STK39: variants seen among roughly 807,000 people sequenced by gnomAD.
STK39 encodes serine/threonine kinase 39, also known as STE20/SPS1-related proline-alanine-rich protein kinase.
In STK39, 20 loss-of-function variants were observed where a neutral mutation model predicts 77.8. That is an observed-to-expected ratio of 0.26 (90% CI 0.18 to 0.37). The LOEUF is 0.37. STK39 is among the 10% of genes least tolerant of loss of function. STK39 has a pLI of 1.00. For synonymous variants in STK39, 246 were observed against 234.1 expected, an observed-to-expected ratio of 1.05 and a Z score of -0.47; for missense variants, 479 against 656.5, an observed-to-expected ratio of 0.73 and a Z score of 2.95.
At chr2:168,048,216 CTTT>C (rs1335296463) in intron 14 of STK39, among the ~76,000 whole-genome samples, 2 of 139,322 alleles carry the variant, frequency 1.4e-5, no homozygotes, top group Non-Finnish European at 3.1e-5. Context: ...TTGGCCTATG[CTTT>C]TTTTTTTTTT....
intron 17 of STK39, among the ~76,000 whole-genome samples, chr2:167,957,736 A>C (rs546458347): frequency 1.3e-5 from 2 of 152,368 alleles, no homozygotes; most frequent in East Asian, 3.9e-4. Flanking sequence ...AGGAGGTTAA[A>C]ATGACTAGAA....
chr2:168,071,620 G>C lies in STK39; in HGVS notation c.1242+3362C>G, dbSNP rs145541742. 9.8e-3 allele frequency among the ~76,000 whole-genome samples: 1,493 copies of C among 152,162 alleles called. 25 individuals are homozygous for C. The highest frequency in any genetic ancestry group is 0.034 in the African/African-American group (1,424 of 41,502). Reference sequence around the variant, plus strand: ...AATCAGGCCGGGCACAGTGGCTCACGCTTGTAATCCCAGCACTTCTGGAGG... The same window carrying C: ...AATCAGGCCGGGCACAGTGGCTCACCCTTGTAATCCCAGCACTTCTGGAGG... On this transcript the variant is annotated intron_variant, in intron 12 of 17. Coordinates refer to ENST00000355999, the MANE Select transcript of STK39 (RefSeq NM_013233.3).
chr2:168,078,540 G>GCA (rs1217515714), intron 10 of STK39, among the ~76,000 whole-genome samples: 39 of 152,246 alleles, frequency 2.6e-4, no homozygotes, highest in East Asian at 1.5e-3. Context: ...CTCAAAGAAG[G>GCA]CACCTGGCCC....
intron 14 of STK39, among the ~76,000 whole-genome samples, chr2:168,043,835 T>G (rs1685170225): frequency 6.6e-6 from 1 of 152,208 alleles, no homozygotes; most frequent in Non-Finnish European, 1.5e-5. Flanking sequence ...TAATTTCCAT[T>G]TTTTATTTGC....
Position 168,186,953 on chromosome 2 carries a change from A to C in STK39, c.209-4863T>G, listed in dbSNP as rs558966011. On this transcript the variant is annotated intron_variant, in intron 1 of 17. Transcript: ENST00000355999. Reference sequence around the variant, plus strand: ...TAAAGTCTGATACAGCATGATGAGCATAAGAGTTTAAAATATAAGAGACAA... The same window carrying C: ...TAAAGTCTGATACAGCATGATGAGCCTAAGAGTTTAAAATATAAGAGACAA... 9.8e-5 allele frequency among the ~76,000 whole-genome samples: 15 copies of C among 152,366 alleles called. No homozygotes were observed. The South Asian group carries it at 2.1e-3, about 21-fold the overall frequency.
chr2:168,196,807 T>A (rs112549669), intron 1 of STK39, among the ~76,000 whole-genome samples: 1 of 152,080 alleles, frequency 6.6e-6, no homozygotes, highest in Non-Finnish European at 1.5e-5. Flanking sequence ...GATCTGAGCA[T>A]TCTAAGATGA....
At chr2:168,002,731 T>A (rs1391698885) in intron 16 of STK39, among the ~76,000 whole-genome samples, 3 of 152,224 alleles carry the variant, frequency 2.0e-5, no homozygotes, top group African/African-American at 7.2e-5. Context: ...TCTGTCTTTC[T>A]TAAATAAATT....
intron 17 of STK39, among the ~76,000 whole-genome samples, chr2:167,963,925 A>G (rs1409239668): frequency 6.6e-6 from 1 of 152,190 alleles, no homozygotes; most frequent in Admixed American, 6.5e-5. Flanking sequence ...CCTTTGATAA[A>G]ATTAACTTAC....
intron 1 of STK39, among the ~76,000 whole-genome samples, chr2:168,210,030 A>AAAGGAAGG (rs764085860): frequency 0.067 from 7,407 of 109,878 alleles, 335 homozygotes; most frequent in Non-Finnish European, 0.084. Flanking sequence ...GAAAGGAAAG[A>AAAGGAAGG]AAGGAAGGAA....
At chr2:167,979,487 G>A (rs1336147659) in intron 16 of STK39, among the ~76,000 whole-genome samples, 1 of 152,134 alleles carries the variant, frequency 6.6e-6, no homozygotes, top group East Asian at 1.9e-4. Context: ...TGACAATAAA[G>A]GTCTTAAACG....
intron 1 of STK39, among the ~76,000 whole-genome samples, chr2:168,233,616 G>A (rs1306982407): frequency 7.1e-6 from 1 of 140,182 alleles, no homozygotes; most frequent in Admixed American, 7.1e-5. Context: ...ATCCCAAAAT[G>A]TTTCTAACTC....
intron 12 of STK39, among the ~76,000 whole-genome samples, chr2:168,068,971 C>T (rs1027033015): frequency 2.6e-5 from 4 of 152,244 alleles, no homozygotes; most frequent in East Asian, 1.9e-4. Flanking sequence ...GGCTGGAGTG[C>T]AGTGGCATGA....
chr2:167,959,960 T>G (rs1691903501), intron 17 of STK39, among the ~76,000 whole-genome samples: 1 of 152,148 alleles, frequency 6.6e-6, no homozygotes, highest in Non-Finnish European at 1.5e-5. Flanking sequence ...AACTCAGAAG[T>G]TTGAGGCCCA....
intron 16 of STK39, among the ~76,000 whole-genome samples, chr2:167,975,644 T>C (rs145240719): frequency 0.037 from 5,575 of 152,110 alleles, 357 homozygotes; most frequent in African/African-American, 0.13. Flanking sequence ...TGAAACCCCG[T>C]CTCTACTAAA....
intron 1 of STK39, among the ~76,000 whole-genome samples, chr2:168,187,836 A>C (rs899582566): frequency 6.6e-6 from 1 of 152,232 alleles, no homozygotes; most frequent in Non-Finnish European, 1.5e-5. Context: ...GTTAAAGTTA[A>C]GACGTCAATT....
intron 10 of STK39, among the ~76,000 whole-genome samples, chr2:168,100,331 T>C (rs373311341): frequency 2.8e-4 from 42 of 152,300 alleles, no homozygotes; most frequent in Admixed American, 4.6e-4. Flanking sequence ...AGATTTAGAC[T>C]GCAGGGGATC....
chr2:167,986,203 G>T (rs1439928613), intron 16 of STK39, among the ~76,000 whole-genome samples: 1 of 152,104 alleles, frequency 6.6e-6, no homozygotes, highest in African/African-American at 2.4e-5. Context: ...CAATTGTGAT[G>T]ATTATCAAAA....
chr2:168,106,854 T>C (rs1244630897), intron 10 of STK39, among the ~76,000 whole-genome samples: 1 of 152,204 alleles, frequency 6.6e-6, no homozygotes, highest in East Asian at 1.9e-4. Flanking sequence ...CATACATATA[T>C]GTCTACATAA....
In STK39 at chr2:168,085,825, C is replaced by T. The variant is rs73019407; in HGVS notation, c.1090-10594G>A. Among the ~76,000 whole-genome samples the T allele has an allele frequency of 6.8e-3, 1,031 of 152,268 alleles. 11 individuals carry two copies. Among genetic ancestry groups the T allele is most frequent in the African/African-American group, 0.023 (961 of 41,558 alleles). The stretch of plus-strand genomic sequence containing the variant: ...GGGTGGATTTTTGCCTTACCTATAA[C>T]CAACAGAAATGAGGCAGAAGTGAGG... On this transcript the variant is annotated intron_variant, in intron 10 of 17. Transcript: ENST00000355999.
Sources: gnomAD v4.1 joint callset for allele counts (sites outside exome capture counted in the v4.1 genomes callset) on GRCh38, gnomAD v4.1.1 for gene constraint, MANE v1.5 for transcripts, NCBI Gene and HGNC (gene_info 2026-07-23, HGNC 2026-07-21) for gene names.